The following ANKS1B variants were observed in gnomAD, a reference collection of about 807,000 sequenced individuals.
ANKS1B encodes the protein ankyrin repeat and sterile alpha motif domain containing 1B.
Under a neutral mutation model 148.3 loss-of-function variants are expected in ANKS1B, and 36 were observed. The observed-to-expected ratio is 0.24, with a 90% confidence interval of 0.19 to 0.32. The LOEUF (loss-of-function observed/expected upper bound fraction) is 0.32, where lower values mean the gene tolerates loss of function less well. Ranked by LOEUF, ANKS1B falls within the 10% of genes least tolerant of loss-of-function variation. ANKS1B has a pLI of 1.00. For missense variants in ANKS1B, 1,157 were observed against 1,542.6 expected, an observed-to-expected ratio of 0.75 and a Z score of 4.19; for synonymous variants, 542 against 560.8, an observed-to-expected ratio of 0.97 and a Z score of 0.47.
At chr12:98,859,377 C>A (rs960751603) in intron 17 of ANKS1B, among the ~76,000 whole-genome samples, 1 of 152,196 alleles carries the variant, frequency 6.6e-6, no homozygotes, top group Non-Finnish European at 1.5e-5. Flanking sequence ...CAATTTTAAA[C>A]CTGGGCATTA....
intron 9 of ANKS1B, among the ~76,000 whole-genome samples, chr12:99,550,582 C>T (rs1298592220): frequency 6.6e-6 from 1 of 151,526 alleles, no homozygotes; most frequent in East Asian, 1.9e-4. Flanking sequence ...CATGTTTGGG[C>T]CACTGCACTC....
At chr12:99,323,642 C>A (rs776087913) in intron 12 of ANKS1B, among the ~76,000 whole-genome samples, 1 of 151,760 alleles carries the variant, frequency 6.6e-6, no homozygotes, top group Non-Finnish European at 1.5e-5. Context: ...ACTAAATAAT[C>A]ATTTCATTTT....
chr12:98,866,880 T>C (rs2099627286), intron 17 of ANKS1B, among the ~76,000 whole-genome samples: 1 of 152,214 alleles, frequency 6.6e-6, no homozygotes, highest in Non-Finnish European at 1.5e-5. Context: ...AGTCTCTTTA[T>C]TTTTTGGGCT....
At chr12:99,491,884 C>A (rs2096558942) in intron 10 of ANKS1B, among the ~76,000 whole-genome samples, 1 of 151,986 alleles carries the variant, frequency 6.6e-6, no homozygotes, top group Admixed American at 6.6e-5. Context: ...TACAACATAC[C>A]AGAATCTCTG....
At chr12:99,065,105 T>A (rs1464013802) in intron 16 of ANKS1B, among the ~76,000 whole-genome samples, 2 of 152,238 alleles carry the variant, frequency 1.3e-5, no homozygotes, top group Non-Finnish European at 2.9e-5. Context: ...CTACTAGTGA[T>A]GTGAACTATA....
intron 14 of ANKS1B, among the ~76,000 whole-genome samples, chr12:99,178,959 CT>C (rs1233809658): frequency 2.0e-5 from 3 of 151,982 alleles, no homozygotes; most frequent in Non-Finnish European, 2.9e-5. Flanking sequence ...AAAAATAATG[CT>C]TTAGCATGAT....
intron 12 of ANKS1B, among the ~76,000 whole-genome samples, chr12:99,316,548 C>A (rs546396635): frequency 4.5e-4 from 68 of 152,080 alleles, no homozygotes; most frequent in Non-Finnish European, 7.6e-4. Flanking sequence ...TTTTTAAGTT[C>A]TTTGTAGATT....
intron 19 of ANKS1B, among the ~76,000 whole-genome samples, chr12:98,824,582 CAA>C (rs892317028): frequency 6.6e-6 from 1 of 152,092 alleles, no homozygotes; most frequent in Non-Finnish European, 1.5e-5. Flanking sequence ...ATTTTAAAGA[CAA>C]AAAAATTGAA....
chr12:98,937,949 C>G (rs990142014), intron 17 of ANKS1B, among the ~76,000 whole-genome samples: 5 of 151,872 alleles, frequency 3.3e-5, no homozygotes, highest in African/African-American at 1.2e-4. Flanking sequence ...ACCATCAGAT[C>G]TTGTGAGAAC....
At chr12:98,817,401 G>A (rs1287966190) in intron 19 of ANKS1B, among the ~76,000 whole-genome samples, 4 of 152,246 alleles carry the variant, frequency 2.6e-5, no homozygotes, top group Non-Finnish European at 5.9e-5. Flanking sequence ...TCTTTCAGCA[G>A]TGACAGCCCC....
chr12:98,969,682 T>A (rs1179033620), intron 17 of ANKS1B, among the ~76,000 whole-genome samples: 1 of 152,134 alleles, frequency 6.6e-6, no homozygotes, highest in Non-Finnish European at 1.5e-5. Context: ...CTAGTAAACC[T>A]TCTGGGGCTG....
Position 99,443,546 on chromosome 12 carries a change from CTT to C in ANKS1B, c.1575+125_1575+126del, listed in dbSNP as rs139875146. ...GCAAACATCCTCTTCTGAGTCCCCTCTTTTAATTTAGAAATCCATTGACATAC... is the reference window on the plus strand; with the variant it reads ...GCAAACATCCTCTTCTGAGTCCCCTCTTAATTTAGAAATCCATTGACATAC... On this transcript the variant is annotated intron_variant, in intron 11 of 26. Coordinates refer to ENST00000683438, the MANE Select transcript of ANKS1B (RefSeq NM_001352186.2). 4,356 of 988,016 alleles carry C rather than the reference CTT, an allele frequency of 4.4e-3. 9 individuals are homozygous for C. Among genetic ancestry groups the C allele is most frequent in the Non-Finnish European group, 5.6e-3 (4,002 of 718,504 alleles). The allele number at this position is 988,016 out of a possible 1,614,324, so 61.2% of individuals were successfully genotyped here. A position where few individuals can be genotyped will look rare whatever the true frequency, so the allele number is the denominator to read the frequency against.
chr12:98,810,324 A>G (rs2099084843), intron 19 of ANKS1B, among the ~76,000 whole-genome samples: 1 of 152,250 alleles, frequency 6.6e-6, no homozygotes, highest in Admixed American at 6.5e-5. Flanking sequence ...CTCCAACCCA[A>G]AGTGAACATA....
chr12:99,593,531 T>C (rs1377362257), intron 9 of ANKS1B, among the ~76,000 whole-genome samples: 1 of 152,114 alleles, frequency 6.6e-6, no homozygotes, highest in African/African-American at 2.4e-5. Context: ...AATTTAATGT[T>C]AAGGTACATA....
At chr12:99,385,372 G>A (rs1046113228) in intron 12 of ANKS1B, among the ~76,000 whole-genome samples, 1 of 152,192 alleles carries the variant, frequency 6.6e-6, no homozygotes, top group African/African-American at 2.4e-5. Flanking sequence ...AGGAGGCTGA[G>A]GCACAAGAAT....
intron 8 of ANKS1B, among the ~76,000 whole-genome samples, chr12:99,731,195 C>T (rs1393131110): frequency 4.7e-5 from 7 of 150,358 alleles, no homozygotes; most frequent in South Asian, 2.1e-4. Context: ...CTCGGCTCAC[C>T]GCAACCTCCG....
chr12:98,835,207 T>C (rs1298291511), intron 17 of ANKS1B, among the ~76,000 whole-genome samples: 1 of 152,162 alleles, frequency 6.6e-6, no homozygotes, highest in Non-Finnish European at 1.5e-5. Flanking sequence ...TGGTTTACTC[T>C]CCCACAACTC....
intron 9 of ANKS1B, among the ~76,000 whole-genome samples, chr12:99,577,770 T>C (rs928928109): frequency 6.6e-6 from 1 of 152,092 alleles, no homozygotes; most frequent in Non-Finnish European, 1.5e-5. Context: ...CTGGACCAGA[T>C]GGATCCACCG....
At chr12:99,706,141 G>A (rs529070607) in intron 8 of ANKS1B, among the ~76,000 whole-genome samples, 3 of 152,178 alleles carry the variant, frequency 2.0e-5, no homozygotes, top group Admixed American at 2.0e-4. Flanking sequence ...GTGGGGTACT[G>A]TTATAGTAAG....
Sources: allele counts gnomAD v4.1 joint callset (sites outside exome capture counted in the v4.1 genomes callset), GRCh38; gene constraint gnomAD v4.1.1; transcripts MANE v1.5; gene names NCBI Gene and HGNC (gene_info 2026-07-23, HGNC 2026-07-21).